The following FMN1 variants were observed in gnomAD, a reference collection of about 807,000 sequenced individuals.
The protein encoded by FMN1 is formin-1.
Under a neutral mutation model 132.4 loss-of-function variants are expected in FMN1, and 110 were observed. That is an observed-to-expected ratio of 0.83 (90% CI 0.71 to 0.97). The LOEUF is 0.97. Ranked by LOEUF, FMN1 falls within the 50% of genes least tolerant of loss-of-function variation. The pLI, the probability that FMN1 is intolerant of heterozygous loss-of-function variation, is 0.00. For synonymous variants in FMN1, 722 were observed against 651.7 expected (o/e 1.11, Z -1.64); for missense variants, 1,792 against 1,705.3 (o/e 1.05, Z -0.90).
intron 11 of FMN1, among the ~76,000 whole-genome samples, chr15:32,909,881 TAAA>T (rs36044117): frequency 4.8e-5 from 7 of 146,174 alleles, no homozygotes; most frequent in Non-Finnish European, 7.6e-5. Flanking sequence ...CTCATTTGAC[TAAA>T]AAAAAAAAAT....
At chr15:32,942,398 G>A (rs936965283) in intron 9 of FMN1, among the ~76,000 whole-genome samples, 1 of 152,186 alleles carries the variant, frequency 6.6e-6, no homozygotes, top group Non-Finnish European at 1.5e-5. Flanking sequence ...GGTCCAGTGG[G>A]ATTTTTACAT....
chr15:32,933,336 A>G (rs955410488), intron 9 of FMN1, among the ~76,000 whole-genome samples: 1 of 152,194 alleles, frequency 6.6e-6, no homozygotes, highest in African/African-American at 2.4e-5. Flanking sequence ...TGGTCAGAAA[A>G]GATACATGGT....
intron 6 of FMN1, among the ~76,000 whole-genome samples, chr15:33,020,638 CAAAAA>C (rs3081420): frequency 0.39 from 53,720 of 136,332 alleles, 10,186 homozygotes; most frequent in Admixed American, 0.49. Flanking sequence ...AACTCCGTCT[CAAAAA>C]AAAAAAAAAA....
intron 4 of FMN1, among the ~76,000 whole-genome samples, chr15:33,145,819 C>T (rs1456169971): frequency 2.0e-5 from 3 of 151,986 alleles, no homozygotes; most frequent in Non-Finnish European, 4.4e-5. Context: ...TCTGGGCTCA[C>T]CTGGAAACCA....
In FMN1 at chr15:32,926,270, A is replaced by AT. The variant is rs2060957607; in HGVS notation, c.3139-10_3139-9insA. ...TCCAACAATTTGATGATCTAAAATT[A>AT]GAAAAAAAAAAAAAAGAATACAAGC... On this transcript the variant is annotated splice_polypyrimidine_tract_variant and intron_variant, in intron 9 of 20. Transcript: ENST00000616417. The AT allele has an allele frequency of 3.8e-5, 52 of 1,375,780 alleles. No individual in the cohort carries two copies. Among genetic ancestry groups the AT allele is most frequent in the Non-Finnish European group, 4.4e-5 (44 of 1,007,352 alleles). 85.2% of individuals were successfully genotyped at this position (1,375,780 alleles called of 1,614,324 possible).
intron 7 of FMN1, among the ~76,000 whole-genome samples, chr15:32,974,086 C>G (rs1416300315): frequency 6.6e-6 from 1 of 152,180 alleles, no homozygotes; most frequent in Non-Finnish European, 1.5e-5. Context: ...GTCAAGGAAA[C>G]AAAATGCCTT....
chr15:32,985,110 T>C (rs1477516397), intron 7 of FMN1, among the ~76,000 whole-genome samples: 2 of 152,100 alleles, frequency 1.3e-5, no homozygotes, highest in African/African-American at 4.8e-5. Flanking sequence ...ATTATCTTTT[T>C]ATCTTTACCA....
At chr15:32,935,024 C>T (rs545513379) in intron 9 of FMN1, among the ~76,000 whole-genome samples, 2 of 151,794 alleles carry the variant, frequency 1.3e-5, no homozygotes, top group East Asian at 1.9e-4. Context: ...TGAGTTCAAG[C>T]GATTCTCCTC....
chr15:32,916,560 T>C (rs748076849), intron 10 of FMN1, among the ~76,000 whole-genome samples: 17 of 152,112 alleles, frequency 1.1e-4, no homozygotes, highest in Non-Finnish European at 2.4e-4. Flanking sequence ...GTAGGTAGGG[T>C]TGGGTTGGCT....
At chr15:33,122,950 A>G (rs995052456) in intron 4 of FMN1, among the ~76,000 whole-genome samples, 1 of 152,126 alleles carries the variant, frequency 6.6e-6, no homozygotes, top group Non-Finnish European at 1.5e-5. Flanking sequence ...TTATATATAC[A>G]TGGCCTAACA....
intron 9 of FMN1, 127 bp from the exon 10 acceptor site, chr15:32,926,388 C>CT: frequency 1.8e-6 from 1 of 560,578 alleles, no homozygotes; most frequent in South Asian, 2.7e-5. Context: ...GCTGCATGCA[C>CT]TCTTTAAATA....
chr15:33,000,202 C>A (rs953958718), intron 7 of FMN1, among the ~76,000 whole-genome samples: 9 of 152,154 alleles, frequency 5.9e-5, no homozygotes, highest in Non-Finnish European at 1.2e-4. Context: ...GTAATCCCAG[C>A]ACTTTGGGAG....
In FMN1 at chr15:33,140,681, C is replaced by T. The variant is rs1398321283; in HGVS notation, c.1867+12367G>A. ...GGAATATAAAAAACGAAATGCTTAACTCTAACCAGAGAAGTTGGAGAGCTT... is the reference window on the plus strand; with the variant it reads ...GGAATATAAAAAACGAAATGCTTAATTCTAACCAGAGAAGTTGGAGAGCTT... On this transcript the variant is annotated intron_variant, in intron 4 of 20. Coordinates refer to ENST00000616417, the MANE Select transcript of FMN1 (RefSeq NM_001277313.2). Among the ~76,000 whole-genome samples, 6 of 152,300 alleles carry T rather than the reference C, an allele frequency of 3.9e-5. No homozygotes were observed. The South Asian group carries it at 8.3e-4, about 21-fold the overall frequency.
intron 3 of FMN1, among the ~76,000 whole-genome samples, chr15:33,174,543 C>G (rs940335099): frequency 6.6e-6 from 1 of 152,202 alleles, no homozygotes; most frequent in Non-Finnish European, 1.5e-5. Flanking sequence ...TACTCCAAAT[C>G]ATAAATTTTT....
At chr15:33,028,806 A>G (rs2035800069) in intron 6 of FMN1, among the ~76,000 whole-genome samples, 1 of 152,226 alleles carries the variant, frequency 6.6e-6, no homozygotes. Context: ...CTGAGGCTCA[A>G]GGCAAACTCT....
chr15:33,047,184 T>TC (rs2036727209), intron 6 of FMN1, among the ~76,000 whole-genome samples: 1 of 152,194 alleles, frequency 6.6e-6, no homozygotes, highest in East Asian at 1.9e-4. Flanking sequence ...CTGATTCTTT[T>TC]CCCCCACCAT....
chr15:33,167,274 G>A (rs1369472829), intron 3 of FMN1, among the ~76,000 whole-genome samples: 3 of 152,134 alleles, frequency 2.0e-5, no homozygotes, highest in African/African-American at 7.2e-5. Flanking sequence ...AGATCTGATG[G>A]TTTTATAAAT....
intron 4 of FMN1, among the ~76,000 whole-genome samples, chr15:33,118,454 A>T (rs1208385765): frequency 2.0e-5 from 3 of 152,220 alleles, no homozygotes; most frequent in Admixed American, 2.0e-4. Flanking sequence ...GAGAAATAGG[A>T]AAGTAAAAAA....
chr15:32,884,016 G>A (rs1428076608), intron 16 of FMN1, among the ~76,000 whole-genome samples: 1 of 152,112 alleles, frequency 6.6e-6, no homozygotes, highest in African/African-American at 2.4e-5. Flanking sequence ...TACATCTATA[G>A]TTTCAGCAAT....
Sources: allele counts gnomAD v4.1 joint callset (sites outside exome capture counted in the v4.1 genomes callset), GRCh38; gene constraint gnomAD v4.1.1; transcripts MANE v1.5; gene names NCBI Gene and HGNC (gene_info 2026-07-23, HGNC 2026-07-21).